The following PVT1 variants were observed in gnomAD, a reference collection of about 807,000 sequenced individuals.
PVT1 encodes the protein CXCR4/PVT1 fusion.
chr8:127,923,230 T>A (rs374862780), intron 3 of PVT1, among the ~76,000 whole-genome samples: 50 of 152,240 alleles, frequency 3.3e-4, no homozygotes, highest in African/African-American at 1.2e-3. Flanking sequence ...ATAGCGATGC[T>A]GGCTGCCTCA....
intron 2 of PVT1, among the ~76,000 whole-genome samples, chr8:127,825,712 TG>T (rs1814779957): frequency 6.6e-6 from 1 of 152,192 alleles, no homozygotes; most frequent in Non-Finnish European, 1.5e-5. Flanking sequence ...TGTGGCTAGC[TG>T]TATGTTCCTA....
chr8:127,952,795 C>T (rs542843910), intron 3 of PVT1, among the ~76,000 whole-genome samples: 34 of 149,624 alleles, frequency 2.3e-4, no homozygotes, highest in Non-Finnish European at 3.5e-4. Flanking sequence ...GACGGAGTCT[C>T]GCTCTGTGGC....
intron 3 of PVT1, among the ~76,000 whole-genome samples, chr8:127,986,801 A>T (rs751511336): frequency 2.2e-4 from 34 of 152,154 alleles, no homozygotes; most frequent in Non-Finnish European, 4.4e-4. Context: ...TAATTTCCTT[A>T]ATTTCCATGG....
intron 4 of PVT1, among the ~76,000 whole-genome samples, chr8:127,989,598 CAT>C (rs1817008349): frequency 1.3e-5 from 2 of 152,258 alleles, no homozygotes; most frequent in South Asian, 4.2e-4. Context: ...CTTGTGAAAA[CAT>C]GTGGAGACAG....
chr8:128,024,459 C>CA (rs36077321), intron 4 of PVT1, among the ~76,000 whole-genome samples: 17,923 of 151,512 alleles, frequency 0.12, 2,411 homozygotes, highest in African/African-American at 0.33. Context: ...CCTGTTTCTA[C>CA]AAAAAAAATA....
chr8:127,872,604 A>T (rs1453217860), intron 2 of PVT1, among the ~76,000 whole-genome samples: 1 of 152,224 alleles, frequency 6.6e-6, no homozygotes, highest in South Asian at 2.1e-4. Context: ...ATTAAATAAA[A>T]AGTTCATTAA....
At chr8:127,855,897 G>C (rs892286995) in intron 2 of PVT1, among the ~76,000 whole-genome samples, 5 of 152,224 alleles carry the variant, frequency 3.3e-5, no homozygotes, top group Admixed American at 2.6e-4. Context: ...CCTGGCCAGA[G>C]CCCACAAGCA....
intron 3 of PVT1, among the ~76,000 whole-genome samples, chr8:127,920,637 C>T (rs1816045566): frequency 1.3e-5 from 2 of 152,198 alleles, no homozygotes; most frequent in Admixed American, 1.3e-4. Flanking sequence ...GATTTATGTG[C>T]TTGCCAAAAG....
chr8:127,842,458 GTC>G (rs1814984686), intron 2 of PVT1, among the ~76,000 whole-genome samples: 2 of 151,720 alleles, frequency 1.3e-5, no homozygotes, highest in Admixed American at 1.3e-4. Context: ...TAGAGATAGG[GTC>G]TCTCTTTGTT....
intron 3 of PVT1, among the ~76,000 whole-genome samples, chr8:127,955,554 A>G (rs1011009759): frequency 5.3e-5 from 8 of 152,126 alleles, no homozygotes; most frequent in Admixed American, 1.3e-4. Context: ...TATAAGAGTT[A>G]TGCCCAAGAG....
intron 2 of PVT1, chr8:127,852,145 T>C (rs1010761185): frequency 2.0e-5 from 3 of 152,284 alleles, no homozygotes; most frequent in Admixed American, 6.5e-5. Context: ...GTCACTGCAG[T>C]AATTGCTGTG....
At chr8:128,043,832 T>G (rs114938228) in intron 4 of PVT1, among the ~76,000 whole-genome samples, 32 of 131,398 alleles carry the variant, frequency 2.4e-4, no homozygotes, top group African/African-American at 8.8e-4. Flanking sequence ...CATCTTGTCT[T>G]TTTTTTTTTT....
At position 128,009,155 on chromosome 8, in the gene PVT1, T is replaced by C. The variant is rs143900669; in HGVS notation, n.912+19864T>C. Among the ~76,000 whole-genome samples, 156 of 152,216 alleles carry C rather than the reference T, an allele frequency of 1.0e-3. 1 individual carries two copies. Among genetic ancestry groups the C allele is most frequent in the African/African-American group, 3.5e-3 (145 of 41,466 alleles). On this transcript the variant is annotated intron_variant and non_coding_transcript_variant, in intron 4 of 10. Transcript: ENST00000651587. Reference sequence around the variant, plus strand: ...GCTTATATCATTAGCAGAAACATTTTTGGGGGCCACAGGGTAAGGAAAAGA... The same window carrying C: ...GCTTATATCATTAGCAGAAACATTTCTGGGGGCCACAGGGTAAGGAAAAGA...
At chr8:128,012,384 A>T (rs892391497) in intron 4 of PVT1, among the ~76,000 whole-genome samples, 6 of 152,220 alleles carry the variant, frequency 3.9e-5, no homozygotes, top group Non-Finnish European at 7.3e-5. Flanking sequence ...ATTCATCAAC[A>T]TCAATATCCC....
chr8:127,965,683 C>T (rs1048494234), intron 3 of PVT1, among the ~76,000 whole-genome samples: 1 of 152,232 alleles, frequency 6.6e-6, no homozygotes, highest in African/African-American at 2.4e-5. Context: ...AAGGCGGCTC[C>T]CTGCACCGCC....
chr8:127,822,625 G>T (rs1251804598), intron 2 of PVT1, among the ~76,000 whole-genome samples: 1 of 152,062 alleles, frequency 6.6e-6, no homozygotes, highest in East Asian at 1.9e-4. Context: ...TTATTAGAGG[G>T]GTAAGTCCAT....
At chr8:127,952,979 T>C (rs1044243190) in intron 3 of PVT1, among the ~76,000 whole-genome samples, 4 of 152,132 alleles carry the variant, frequency 2.6e-5, no homozygotes, top group Non-Finnish European at 5.9e-5. Context: ...TTGGCCAGGA[T>C]GGTCTCGATC....
intron 2 of PVT1, among the ~76,000 whole-genome samples, chr8:127,842,516 T>A (rs760960393): frequency 1.3e-5 from 2 of 152,052 alleles, no homozygotes; most frequent in Non-Finnish European, 2.9e-5. Context: ...TCCTACCACC[T>A]CAGCCTCCCA....
At chr8:127,888,817 C>T (rs770680459) in intron 2 of PVT1, among the ~76,000 whole-genome samples, 20 of 152,240 alleles carry the variant, frequency 1.3e-4, no homozygotes, top group Non-Finnish European at 2.6e-4. Context: ...CTGATTTTAG[C>T]TCAGTGAGAC....
Sources: allele counts gnomAD v4.1 joint callset (sites outside exome capture counted in the v4.1 genomes callset), GRCh38; gene constraint gnomAD v4.1.1; transcripts MANE v1.5; gene names NCBI Gene and HGNC (gene_info 2026-07-23, HGNC 2026-07-21).